Variants in HAS2 observed in about 807,000 individuals in gnomAD.
HAS2 encodes HA synthase 2.
In HAS2, 16 loss-of-function variants were observed where a neutral mutation model predicts 51.6. That is an observed-to-expected ratio of 0.31 (90% CI 0.21 to 0.47). The LOEUF (loss-of-function observed/expected upper bound fraction) is 0.47. Among genes scored for constraint, HAS2 ranks in the 20% least tolerant of loss-of-function variants. HAS2 has a pLI of 1.00. For missense variants in HAS2, 361 were observed against 662.6 expected (o/e 0.54, Z 5.00); for synonymous variants, 228 against 235.5 (o/e 0.97, Z 0.29).
intron 1 of HAS2, among the ~76,000 whole-genome samples, chr8:121,630,530 C>T (rs1290843683): frequency 2.0e-5 from 3 of 152,104 alleles, no homozygotes; most frequent in Non-Finnish European, 4.4e-5. Context: ...CCTCCTCTTC[C>T]AAGGATGAAC....
intron 2 of HAS2, among the ~76,000 whole-genome samples, chr8:121,625,490 CT>C (rs1293202408): frequency 6.6e-6 from 1 of 151,066 alleles, no homozygotes; most frequent in Non-Finnish European, 1.5e-5. Flanking sequence ...ATCTTTGTCA[CT>C]CTTAAAAAAA....
chr8:121,617,525 T>C (rs1344594775), intron 2 of HAS2, among the ~76,000 whole-genome samples: 1 of 151,894 alleles, frequency 6.6e-6, no homozygotes, highest in South Asian at 2.1e-4. Flanking sequence ...AAGTCTCACA[T>C]CCCAGGTAAC....
rs1812670384 is a variant in HAS2, at chr8:121,614,064, G to A, written c.*45C>T. The A allele has an allele frequency of 6.2e-7, 1 of 1,613,018 alleles. No homozygotes were observed. The highest frequency in any genetic ancestry group is 8.5e-7 in the Non-Finnish European group (1 of 1,179,782). On this transcript the variant is annotated 3_prime_UTR_variant, in exon 4 of 4. Coordinates refer to ENST00000303924, the MANE Select transcript of HAS2 (RefSeq NM_005328.3). The surrounding 1 kb of genome is among the most constrained non-coding windows in gnomAD (Gnocchi z 7.2). ...CCACAATACTGTACAGCCCCTAGAG[G>A]AACTAAGGTGTTGTGTGTGACTGCA...
Position 121,614,665 on chromosome 8 carries a change from C to A in HAS2, c.1103G>T (p.Trp368Leu). ...YFREWLYNAM[W>L]FHKHHLWMTY... ...CATCCACAAGTGATGTTTGTGAAAC[C>A]ACATTGCATTGTACAGCCATTCTCG... Residue 368 changes from tryptophan to leucine, a missense_variant, in exon 4 of 4, where the codon TGG becomes TTG. Coordinates refer to ENST00000303924, the MANE Select transcript of HAS2 (RefSeq NM_005328.3). The surrounding 1 kb of genome is among the most constrained non-coding windows in gnomAD (Gnocchi z 7.2). 1 of 1,614,180 alleles carries A rather than the reference C, an allele frequency of 6.2e-7. No individual in the cohort carries two copies. The highest frequency in any genetic ancestry group is 8.5e-7 in the Non-Finnish European group (1 of 1,180,020).
intron 1 of HAS2, among the ~76,000 whole-genome samples, chr8:121,633,597 G>A (rs1341054775): frequency 6.6e-6 from 1 of 152,206 alleles, no homozygotes; most frequent in Non-Finnish European, 1.5e-5. Flanking sequence ...CAAAGGAAGA[G>A]CCTGGTTCCA....
At chr8:121,629,956 G>C (rs1812908519) in intron 1 of HAS2, among the ~76,000 whole-genome samples, 1 of 152,128 alleles carries the variant, frequency 6.6e-6, no homozygotes, top group Non-Finnish European at 1.5e-5. Context: ...CTGGGTCTCA[G>C]TTGTTTTGTA....
intron 2 of HAS2, among the ~76,000 whole-genome samples, chr8:121,626,459 T>C (rs2130443022): frequency 6.6e-6 from 1 of 152,316 alleles, no homozygotes; most frequent in East Asian, 1.9e-4. Flanking sequence ...CCAGCAAGTT[T>C]GTAAGCATGG....
At chr8:121,625,049 G>A (rs1431557963) in intron 2 of HAS2, among the ~76,000 whole-genome samples, 2 of 131,222 alleles carry the variant, frequency 1.5e-5, no homozygotes, top group African/African-American at 2.9e-5. Flanking sequence ...AGTGAGCCAA[G>A]ATAGCGCCAC....
chr8:121,637,666 T>C (rs1401727036), intron 1 of HAS2, among the ~76,000 whole-genome samples: 1 of 152,160 alleles, frequency 6.6e-6, no homozygotes, highest in African/African-American at 2.4e-5. Flanking sequence ...GCTGGAATTA[T>C]AGGCATGAGC....
chr8:121,639,180 C>G (rs369652875), intron 1 of HAS2: 64 of 152,234 alleles, frequency 4.2e-4, no homozygotes, highest in African/African-American at 1.5e-3. Flanking sequence ...TCTCTTTATT[C>G]TAACACTGAG....
rs780435873 is a variant in HAS2 at position 121,614,237 on chromosome 8, C to T, written c.1531G>A (p.Val511Ile). 2.5e-6 allele frequency: 4 copies of T among 1,614,088 alleles called. No individual in the cohort carries two copies. Among genetic ancestry groups the T allele is most frequent in the Non-Finnish European group, 3.4e-6 (4 of 1,179,966 alleles). ...KRPFSESKQT[V>I]LIVGTLLYAC... The stretch of plus-strand genomic sequence containing the variant: ...TAGAGCAACGTTCCAACAATTAGAA[C>T]TGTCTGTTTGGATTCTGAAAATGGC... Residue 511 changes from valine to isoleucine, a missense_variant, in exon 4 of 4, where the codon GTT becomes ATT. Around this residue, in one of 5 missense-constraint regions of HAS2, gnomAD observed 61 missense variants for 73.1 expected, o/e 0.84. Transcript: ENST00000303924. This position sits in a 1 kb window ranked among gnomAD's most constrained non-coding sequence, Gnocchi z 7.2.
chr8:121,641,183 G>A lies in HAS2; in HGVS notation c.-331C>T, dbSNP rs1408824387. 16 of 7,278 alleles carry A rather than the reference G, an allele frequency of 2.2e-3. No individual in the cohort carries two copies. Among genetic ancestry groups the A allele is most frequent in the Admixed American group, 5.4e-3 (3 of 558 alleles). 0.5% of individuals were successfully genotyped at this position (7,278 alleles called of 1,614,324 possible). On this transcript the variant is annotated 5_prime_UTR_variant, in exon 1 of 4. Coordinates refer to ENST00000303924, the MANE Select transcript of HAS2 (RefSeq NM_005328.3). The stretch of plus-strand genomic sequence containing the variant: ...CTTTTTTTTTTTTTTTTTTTTTTGG[G>A]CTTCAGTCTTTCTGCCCCCGATAAC...
chr8:121,617,039 A>G (rs530432706), intron 3 of HAS2, 66 bp downstream of exon 3: 7 of 861,348 alleles, frequency 8.1e-6, no homozygotes, highest in Admixed American at 1.9e-5. Flanking sequence ...TCAATGAGTC[A>G]ATGAGTAAAA....
At chr8:121,616,979 A>C in intron 3 of HAS2, 126 bp downstream of exon 3, 2 of 634,708 alleles carry the variant, frequency 3.2e-6, no homozygotes, top group South Asian at 4.0e-5. Context: ...ATGTGTCTCA[A>C]GCACCAACAA....
chr8:121,614,745 A>G lies in HAS2; in HGVS notation c.1023T>C (p.Pro341=), dbSNP rs753393771. 8 of 1,614,102 alleles carry G rather than the reference A, an allele frequency of 5.0e-6. No homozygotes were observed. In the East Asian group the frequency reaches 1.6e-4, roughly 31 times the overall value. ...TARSKCLTET[P]IEYLRWLNQQ... is the part of the protein sequence containing the mutation. ...GGTTTAGCCATCTGAGATATTCTAT[A>G]GGTGTTTCAGTAAGGCACTTAGATC... The change falls in exon 4 of 4, where the codon CCT becomes CCC. Residue 341 remains proline (P), a synonymous_variant. Coordinates refer to ENST00000303924, the MANE Select transcript of HAS2 (RefSeq NM_005328.3). This position sits in a 1 kb window ranked among gnomAD's most constrained non-coding sequence, Gnocchi z 7.2.
rs1563619024 is a variant in HAS2 at position 121,614,078 on chromosome 8, T to C, written c.*31A>G. On this transcript the variant is annotated 3_prime_UTR_variant, in exon 4 of 4. Coordinates refer to ENST00000303924, the MANE Select transcript of HAS2 (RefSeq NM_005328.3). The surrounding 1 kb of genome is among the most constrained non-coding windows in gnomAD (Gnocchi z 7.2). ...AGCCCCTAGAGGAACTAAGGTGTTG[T>C]GTGTGACTGCAAACGTCAAAACATG... 2 of 1,613,836 alleles carry C rather than the reference T, an allele frequency of 1.2e-6. No individual in the cohort carries two copies. Among genetic ancestry groups the C allele is most frequent in the Non-Finnish European group, 1.7e-6 (2 of 1,179,964 alleles).
chr8:121,622,137 C>A (rs1812781612), intron 2 of HAS2, among the ~76,000 whole-genome samples: 2 of 151,964 alleles, frequency 1.3e-5, no homozygotes, highest in Non-Finnish European at 1.5e-5. Flanking sequence ...CAACTTAACC[C>A]AAAAGTAAAT....
At chr8:121,626,391 G>A (rs1037462610) in intron 2 of HAS2, among the ~76,000 whole-genome samples, 10 of 152,078 alleles carry the variant, frequency 6.6e-5, no homozygotes, top group Admixed American at 1.3e-4. Flanking sequence ...CCAAGGATTC[G>A]GCTGCAACTG....
rs1339167048 is a variant in HAS2 at position 121,628,168 on chromosome 8, T to C, written c.627+546A>G. ...TTGCTTTTGCTCGAAGATTTTTTTT[T>C]CTCATTTTTTGTTTTCCTTTTCCTT... On this transcript the variant is annotated intron_variant, in intron 2 of 3. Transcript: ENST00000303924. 3.9e-5 allele frequency among the ~76,000 whole-genome samples: 6 copies of C among 152,200 alleles called. No homozygotes were observed. In the East Asian group the frequency reaches 9.6e-4, roughly 24 times the overall value.
Sources: gnomAD v4.1 joint callset for allele counts (sites outside exome capture counted in the v4.1 genomes callset) on GRCh38, gnomAD v4.1.1 for gene constraint, gnomAD v4.1.1 regional missense constraint, Gnocchi (gnomAD v3.1) non-coding constraint, MANE v1.5 for transcripts, NCBI Gene and HGNC (gene_info 2026-07-23, HGNC 2026-07-21) for gene names.